Variants in ASXL3 observed in about 807,000 individuals in gnomAD.
The protein encoded by ASXL3 is putative Polycomb group protein ASXL3.
ASXL3 carries 34 observed loss-of-function variants against 170.6 expected under a neutral mutation model. The ratio of observed to expected loss-of-function variants is 0.20; its 90% confidence interval spans 0.15 to 0.27. The LOEUF is 0.27. Ranked by LOEUF, ASXL3 falls within the 10% of genes least tolerant of loss-of-function variation. The pLI is 1.00. For missense variants in ASXL3, 2,592 were observed against 2,695.3 expected (o/e 0.96, Z 0.85); for synonymous variants, 1,002 against 989.1 (o/e 1.01, Z -0.24).
chr18:33,684,634 C>T (rs553401522), intron 8 of ASXL3, among the ~76,000 whole-genome samples: 1 of 151,922 alleles, frequency 6.6e-6, no homozygotes, highest in Non-Finnish European at 1.5e-5. Flanking sequence ...TTAATATTTA[C>T]CCTGAATATG....
At chr18:33,740,958 TC>T (rs1162679348) in intron 11 of ASXL3, among the ~76,000 whole-genome samples, 2 of 152,186 alleles carry the variant, frequency 1.3e-5, no homozygotes, top group Admixed American at 6.5e-5. Context: ...TATAAACATC[TC>T]AAGCTTTTTA....
At chr18:33,591,125 T>G (rs2065073147) in intron 1 of ASXL3, among the ~76,000 whole-genome samples, 1 of 152,222 alleles carries the variant, frequency 6.6e-6, no homozygotes. Context: ...CATGTAGGAA[T>G]TTATGGACAT....
intron 1 of ASXL3, 61 bp from the exon 2 acceptor site, chr18:33,607,533 A>C: frequency 2.3e-6 from 3 of 1,319,510 alleles, no homozygotes; most frequent in Non-Finnish European, 3.2e-6. Flanking sequence ...CATGATTCAC[A>C]TACATTTTCA....
rs372236988 is a variant in ASXL3 at position 33,745,437 on chromosome 18, C to T, written c.5589C>T (p.Ser1863=). 35 of 1,613,950 alleles carry T rather than the reference C, an allele frequency of 2.2e-5. No individual in the cohort carries two copies. The highest frequency in any genetic ancestry group is 1.3e-4 in the Admixed American group (8 of 60,022). The change falls in exon 12 of 12, where the codon TCC becomes TCT. Residue 1863 remains serine, a synonymous_variant. Coordinates refer to ENST00000269197, the MANE Select transcript of ASXL3 (RefSeq NM_030632.3). ...AAGGGGTGCCTTGTGTCATCAGTTCCGGCATCAGTCAGCTAGGACACAGCC... is the reference window on the plus strand; with the variant it reads ...AAGGGGTGCCTTGTGTCATCAGTTCTGGCATCAGTCAGCTAGGACACAGCC... The part of the protein sequence containing the change: ...DVKGVPCVIS[S]GISQLGHSQP...
At chr18:33,650,293 A>G (rs2065976851) in intron 4 of ASXL3, among the ~76,000 whole-genome samples, 1 of 152,102 alleles carries the variant, frequency 6.6e-6, no homozygotes, top group Admixed American at 6.6e-5. Flanking sequence ...ATGAGATACA[A>G]TGCTGGAGGC....
chr18:33,729,634 T>A (rs2067410337), intron 8 of ASXL3, among the ~76,000 whole-genome samples: 1 of 152,020 alleles, frequency 6.6e-6, no homozygotes, highest in Non-Finnish European at 1.5e-5. Flanking sequence ...AAGGAAAAAA[T>A]GAAAATAACA....
chr18:33,727,427 C>T (rs558110839), intron 8 of ASXL3, among the ~76,000 whole-genome samples: 1 of 152,118 alleles, frequency 6.6e-6, no homozygotes, highest in Non-Finnish European at 1.5e-5. Context: ...TTCCAGTTGG[C>T]ACCCATTCCT....
chr18:33,722,266 T>C (rs2067275005), intron 8 of ASXL3, among the ~76,000 whole-genome samples: 1 of 152,086 alleles, frequency 6.6e-6, no homozygotes, highest in African/African-American at 2.4e-5. Flanking sequence ...AATGATTACA[T>C]TTAGTAATGA....
intron 1 of ASXL3, among the ~76,000 whole-genome samples, chr18:33,586,582 C>G: frequency 6.6e-6 from 1 of 152,020 alleles, no homozygotes; most frequent in Non-Finnish European, 1.5e-5. Context: ...TTCCTGCTCA[C>G]TTGAGTGTCC....
chr18:33,600,585 T>C (rs1260758975), intron 1 of ASXL3, among the ~76,000 whole-genome samples: 1 of 152,158 alleles, frequency 6.6e-6, no homozygotes, highest in Non-Finnish European at 1.5e-5. Flanking sequence ...TTTAGAACAT[T>C]GTGTAAATTC....
chr18:33,743,769 C>G lies in ASXL3; in HGVS notation c.3921C>G (p.Ala1307=). The G allele has an allele frequency of 6.2e-7, 1 of 1,613,958 alleles. No individual in the cohort carries two copies. The highest frequency in any genetic ancestry group is 1.1e-5 in the South Asian group (1 of 91,080). The change falls in exon 12 of 12, where the codon GCC becomes GCG. Residue 1307 remains alanine, a synonymous_variant. Coordinates refer to ENST00000269197, the MANE Select transcript of ASXL3 (RefSeq NM_030632.3). ...PKCIESTPIS[A]TTEGSSISSS... ...GTATTGAAAGCACTCCCATTTCAGCCACTACAGAGGGCTCCAGCATATCAA... is the reference window on the plus strand; with the variant it reads ...GTATTGAAAGCACTCCCATTTCAGCGACTACAGAGGGCTCCAGCATATCAA...
chr18:33,685,340 C>T (rs1270486397), intron 8 of ASXL3, among the ~76,000 whole-genome samples: 2 of 152,190 alleles, frequency 1.3e-5, no homozygotes, highest in African/African-American at 4.8e-5. Context: ...CTCCAGTAGT[C>T]ACAATTTTAC....
chr18:33,600,608 A>G (rs1202195133), intron 1 of ASXL3, among the ~76,000 whole-genome samples: 1 of 152,144 alleles, frequency 6.6e-6, no homozygotes, highest in African/African-American at 2.4e-5. Flanking sequence ...AGTGTCTGCC[A>G]CTTTGTTTTC....
chr18:33,646,506 A>C (rs1438621371), intron 4 of ASXL3, among the ~76,000 whole-genome samples, 153 bp downstream of exon 4: 1 of 152,124 alleles, frequency 6.6e-6, no homozygotes, highest in Admixed American at 6.6e-5. Flanking sequence ...TTTTGATTCA[A>C]AAAGGATAAA....
chr18:33,598,605 C>T lies in ASXL3; in HGVS notation c.55-8989C>T, dbSNP rs572578147. 5.9e-5 allele frequency among the ~76,000 whole-genome samples: 9 copies of T among 152,276 alleles called. No homozygotes were observed. The East Asian group carries it at 1.2e-3, about 20-fold the overall frequency. The stretch of plus-strand genomic sequence containing the variant: ...ATCAAAGTCACAGCAACTTTATCAT[C>T]GGGCATGATTTCTCATTTTTGAAGC... On this transcript the variant is annotated intron_variant, in intron 1 of 11. Coordinates refer to ENST00000269197, the MANE Select transcript of ASXL3 (RefSeq NM_030632.3).
chr18:33,641,553 C>T (rs1368745521), intron 2 of ASXL3, among the ~76,000 whole-genome samples: 1 of 151,988 alleles, frequency 6.6e-6, no homozygotes, highest in Non-Finnish European at 1.5e-5. Context: ...AATACATGGG[C>T]TTTCTGAACA....
intron 8 of ASXL3, among the ~76,000 whole-genome samples, chr18:33,713,338 T>TCCCCCCCCC (rs1294772302): frequency 1.6e-5 from 1 of 62,866 alleles, no homozygotes; most frequent in Non-Finnish European, 2.8e-5. Flanking sequence ...CACTGCAACC[T>TCCCCCCCCC]CCACCCCCCC....
chr18:33,740,469 A>C (rs772757613), intron 11 of ASXL3, 26 bp downstream of exon 11: 474 of 1,494,452 alleles, frequency 3.2e-4, no homozygotes, highest in Middle Eastern at 8.9e-4. Flanking sequence ...AACAAAAGGC[A>C]ATTCCGTAGA....
At chr18:33,584,059 G>C (rs80329724) in intron 1 of ASXL3, among the ~76,000 whole-genome samples, 1 of 152,124 alleles carries the variant, frequency 6.6e-6, no homozygotes, top group Admixed American at 6.5e-5. Flanking sequence ...TTTACAGAAG[G>C]GAAAAGCTAT....
Sources: allele counts gnomAD v4.1 joint callset (sites outside exome capture counted in the v4.1 genomes callset), GRCh38; gene constraint gnomAD v4.1.1; transcripts MANE v1.5; gene names NCBI Gene and HGNC (gene_info 2026-07-23, HGNC 2026-07-21).